H2BC4: variants seen among roughly 807,000 people sequenced by gnomAD.
H2BC4 encodes H2B clustered histone 4.
H2BC4 carries 10 observed loss-of-function variants against 6.2 expected under a neutral mutation model. The ratio of observed to expected loss-of-function variants is 1.61; its 90% CI spans 0.99 to 2.73. H2BC4 has a LOEUF of 2.73. Ranked by LOEUF, H2BC4 falls within the 30% of genes most tolerant of loss-of-function variation. The pLI, the probability that H2BC4 is intolerant of heterozygous loss-of-function variation, is 0.00. For missense variants in H2BC4, 176 were observed against 168.7 expected (o/e 1.04, Z -0.24); for synonymous variants, 146 against 70.7 (o/e 2.07, Z -5.35).
chr6:26,118,942 T>C (rs1257704264), downstream of H2BC4, among the ~76,000 whole-genome samples: 1 of 152,058 alleles, frequency 6.6e-6, no homozygotes, highest in Admixed American at 6.6e-5. Context: ...TATATAAAAA[T>C]AAGAAAAAGA....
chr6:26,122,044 A>T (rs1763503656), downstream of H2BC4, among the ~76,000 whole-genome samples: 1 of 128,912 alleles, frequency 7.8e-6, no homozygotes, highest in Non-Finnish European at 1.6e-5. Flanking sequence ...CAAGAGAGAA[A>T]CTTCGTCTCA....
In H2BC4 at chr6:26,123,868, TC is replaced by T; in HGVS notation, c.36del (p.Lys13ArgfsTer7). The T allele has an allele frequency of 6.2e-7, 1 of 1,614,206 alleles. No individual in the cohort carries two copies. Among genetic ancestry groups the T allele is most frequent in the Non-Finnish European group, 8.5e-7 (1 of 1,180,032 alleles). On this transcript the variant is annotated frameshift_variant, in exon 1 of 1. Transcript: ENST00000396984. LOFTEE classifies it high-confidence loss of function. ...TTGGTCACTGCCTTCTTGGAGCCCT[TC>T]TTCGGGGCGGGAGCAGACTTGGCTG... ...PEPAKSAPAP[K>X]KGSKKAVTKA...
At chr6:26,122,939 T>C (rs1325916355), downstream of H2BC4, among the ~76,000 whole-genome samples, 1 of 152,202 alleles carries the variant, frequency 6.6e-6, no homozygotes, top group African/African-American at 2.4e-5. Context: ...AAAAGACTAT[T>C]ACCGGGGCAG....
At chr6:26,114,638 G>C (rs887672059), downstream of H2BC4, among the ~76,000 whole-genome samples, 7 of 152,010 alleles carry the variant, frequency 4.6e-5, no homozygotes, top group Non-Finnish European at 7.4e-5. Context: ...GTACAAAGAT[G>C]TGTGAGCTAT....
At chr6:26,120,047 T>C (rs1411478936), downstream of H2BC4, among the ~76,000 whole-genome samples, 1 of 152,038 alleles carries the variant, frequency 6.6e-6, no homozygotes, top group African/African-American at 2.4e-5. Flanking sequence ...TTTAGACAAA[T>C]GAGTTTTTAT....
Position 26,123,886 on chromosome 6 carries a change from A to T in H2BC4, c.19T>A (p.Ser7Thr), listed in dbSNP as rs1229092502. MPEPAK[S>T]APAPKKGSKK... ...GAGCCCTTCTTCGGGGCGGGAGCAG[A>T]CTTGGCTGGCTCAGGCATCTTAAAA... The change falls in exon 1 of 1, where the codon TCT (serine) becomes ACT (threonine). Residue 7 changes from serine to threonine, a missense_variant. Transcript: ENST00000396984. 1 of 1,614,080 alleles carries T rather than the reference A, an allele frequency of 6.2e-7. No homozygotes were observed. Among genetic ancestry groups the T allele is most frequent in the Non-Finnish European group, 8.5e-7 (1 of 1,180,006 alleles).
chr6:26,122,492 G>A (rs775008660), downstream of H2BC4, among the ~76,000 whole-genome samples: 84 of 152,186 alleles, frequency 5.5e-4, no homozygotes, highest in South Asian at 2.1e-4. Flanking sequence ...TTAAGGGAAT[G>A]TGGAATTTCC....
At chr6:26,118,232 A>G (rs1763449602) in intron 1 of H2BC4, among the ~76,000 whole-genome samples, 1 of 152,108 alleles carries the variant, frequency 6.6e-6, no homozygotes, top group Non-Finnish European at 1.5e-5. Context: ...TATGAGGGTA[A>G]TTACAAATAT....
chr6:26,123,444 C>T, downstream of H2BC4: 1 of 1,575,970 alleles, frequency 6.3e-7, no homozygotes, highest in South Asian at 1.2e-5. Context: ...TGGCGTCTGG[C>T]CACAGCTCTT....
chr6:26,117,110 GA>G (rs201807651), intron 1 of H2BC4, among the ~76,000 whole-genome samples: 2 of 151,826 alleles, frequency 1.3e-5, no homozygotes, highest in African/African-American at 2.4e-5. Flanking sequence ...TATGTTCAGG[GA>G]AAAAAAGTGT....
chr6:26,122,021 C>G (rs925762751), downstream of H2BC4, among the ~76,000 whole-genome samples: 6 of 148,242 alleles, frequency 4.0e-5, no homozygotes, highest in Admixed American at 1.3e-4. Flanking sequence ...CCATTGCACT[C>G]CAGCCTGGGA....
At chr6:26,114,433 T>C (rs1763394792), downstream of H2BC4, among the ~76,000 whole-genome samples, 3 of 152,180 alleles carry the variant, frequency 2.0e-5, no homozygotes. Context: ...CAGTGATTTT[T>C]AAAATTTATT....
downstream of H2BC4, among the ~76,000 whole-genome samples, chr6:26,114,174 A>G (rs947356959): frequency 1.3e-5 from 2 of 152,220 alleles, no homozygotes; most frequent in Non-Finnish European, 2.9e-5. Context: ...AATGCAGTTT[A>G]GTATCCCTTC....
At chr6:26,123,130 T>A (rs2113798818), downstream of H2BC4, among the ~76,000 whole-genome samples, 1 of 152,326 alleles carries the variant, frequency 6.6e-6, no homozygotes, top group Non-Finnish European at 1.5e-5. Context: ...GACAGCCTAT[T>A]GGCTAGAAGC....
downstream of H2BC4, among the ~76,000 whole-genome samples, chr6:26,114,500 G>T (rs1177707070): frequency 1.3e-5 from 2 of 151,964 alleles, no homozygotes; most frequent in Admixed American, 6.6e-5. Context: ...TTATAAATTG[G>T]TATGATCCTG....
chr6:26,123,448 A>T, downstream of H2BC4: 1 of 1,578,084 alleles, frequency 6.3e-7, no homozygotes, highest in Non-Finnish European at 8.6e-7. Flanking sequence ...GTCTGGCCAC[A>T]GCTCTTTTAG....
At chr6:26,121,377 A>C (rs554241117), downstream of H2BC4, among the ~76,000 whole-genome samples, 1 of 152,354 alleles carries the variant, frequency 6.6e-6, no homozygotes, top group Admixed American at 6.5e-5. Flanking sequence ...ATAAACTTTT[A>C]GCATGCAAAA....
intron 1 of H2BC4, among the ~76,000 whole-genome samples, chr6:26,117,336 A>T (rs904237229): frequency 9.2e-5 from 14 of 152,188 alleles, no homozygotes; most frequent in African/African-American, 3.4e-4. Flanking sequence ...TGCATTAAGG[A>T]TCTTTAATCT....
downstream of H2BC4, among the ~76,000 whole-genome samples, chr6:26,120,201 G>A (rs569235239): frequency 2.9e-4 from 44 of 152,146 alleles, no homozygotes; most frequent in African/African-American, 1.1e-3. Context: ...GGTGGCTCAC[G>A]CCTGTAATCT....
Sources: gnomAD v4.1 joint callset for allele counts (sites outside exome capture counted in the v4.1 genomes callset) on GRCh38, gnomAD v4.1.1 for gene constraint, MANE v1.5 for transcripts, NCBI Gene and HGNC (gene_info 2026-07-23, HGNC 2026-07-21) for gene names.